Variants in DLC1 observed in about 807,000 individuals in gnomAD.
DLC1 encodes the protein rho GTPase-activating protein 7.
A neutral mutation model predicts 140.3 loss-of-function variants in DLC1; 54 were observed. The observed-to-expected ratio is 0.38, with a 90% CI of 0.31 to 0.48. The LOEUF (loss-of-function observed/expected upper bound fraction) is 0.48, where lower values mean the gene tolerates loss of function less well. DLC1 is among the 20% of genes least tolerant of loss of function. The pLI is 0.96. For missense variants in DLC1, 2,536 were observed against 1,907.0 expected, an observed-to-expected ratio of 1.33 and a Z score of -6.14; for synonymous variants, 986 against 728.1, an observed-to-expected ratio of 1.35 and a Z score of -5.70.
At chr8:13,153,264 G>T (rs971917549) in intron 5 of DLC1, among the ~76,000 whole-genome samples, 2 of 152,028 alleles carry the variant, frequency 1.3e-5, no homozygotes, top group East Asian at 3.9e-4. Flanking sequence ...GCTGATCTTC[G>T]CTGTGAGTGT....
intron 2 of DLC1, among the ~76,000 whole-genome samples, chr8:13,482,725 G>A (rs1390401378): frequency 1.3e-5 from 2 of 152,188 alleles, no homozygotes; most frequent in Non-Finnish European, 2.9e-5. Context: ...GACAGTGAGA[G>A]AATAGGATTA....
chr8:13,457,265 A>G (rs148637070), intron 2 of DLC1, among the ~76,000 whole-genome samples: 3 of 152,362 alleles, frequency 2.0e-5, no homozygotes, highest in African/African-American at 4.8e-5. Flanking sequence ...GTTGAATTAT[A>G]TAAAATATGA....
intron 1 of DLC1, among the ~76,000 whole-genome samples, chr8:13,520,875 C>T (rs1169033751): frequency 6.6e-6 from 1 of 152,066 alleles, no homozygotes; most frequent in African/African-American, 2.4e-5. Context: ...CACCATGTAC[C>T]ACCCTCCAGT....
intron 2 of DLC1, among the ~76,000 whole-genome samples, chr8:13,453,773 T>G (rs1799265771): frequency 6.6e-6 from 1 of 151,502 alleles, no homozygotes; most frequent in Non-Finnish European, 1.5e-5. Flanking sequence ...AGAACTACTA[T>G]TTTACAGTTA....
rs73557577 is a variant in DLC1, at chr8:13,489,893, C to G, written c.1023+9156G>C. On this transcript the variant is annotated intron_variant, in intron 2 of 17. Transcript: ENST00000276297. ...AATTATTTGGCTGTCAGATCCTCAT[C>G]TCGAATTCTGGTTAAAAAATACCAT... Among the ~76,000 whole-genome samples, 654 of 152,300 alleles carry G rather than the reference C, an allele frequency of 4.3e-3. 6 individuals carry two copies. Among genetic ancestry groups the G allele is most frequent in the African/African-American group, 0.015 (620 of 41,566 alleles).
intron 2 of DLC1, among the ~76,000 whole-genome samples, chr8:13,468,838 T>TTTTTG: frequency 6.9e-6 from 1 of 144,324 alleles, no homozygotes; most frequent in African/African-American, 2.6e-5. Flanking sequence ...TTTTTTTTTT[T>TTTTTG]TAAGATGGAG....
chr8:13,517,465 T>C (rs1802626392), upstream of DLC1, among the ~76,000 whole-genome samples: 1 of 152,192 alleles, frequency 6.6e-6, no homozygotes, highest in African/African-American at 2.4e-5. Flanking sequence ...ACTTCCCAAA[T>C]CTTTAATTAC....
At position 13,198,087 on chromosome 8, in the gene DLC1, A is replaced by G. The variant is rs539869228; in HGVS notation, c.1349-82430T>C. ...GCAACAGAATGAAACCCTGTCTCAA[A>G]AAAAACAAACGAAAAAGGAAAAAAA... On this transcript the variant is annotated intron_variant, in intron 5 of 17. Transcript: ENST00000276297. Among the ~76,000 whole-genome samples the G allele has an allele frequency of 1.4e-4, 22 of 152,268 alleles. No homozygotes were observed. In the South Asian group the frequency reaches 3.5e-3, roughly 24 times the overall value.
chr8:13,290,301 A>G (rs1831708787), intron 5 of DLC1, among the ~76,000 whole-genome samples: 1 of 152,180 alleles, frequency 6.6e-6, no homozygotes. Context: ...AGTGTTCATA[A>G]CAAGTCCCTG....
chr8:13,556,908 T>A (rs1277724087), intron 1 of DLC1, among the ~76,000 whole-genome samples: 1 of 152,238 alleles, frequency 6.6e-6, no homozygotes. Context: ...CATAGCTTAG[T>A]GGAGAAGACA....
chr8:13,195,485 G>A (rs1304575771), intron 5 of DLC1, among the ~76,000 whole-genome samples: 2 of 151,870 alleles, frequency 1.3e-5, no homozygotes, highest in African/African-American at 2.4e-5. Context: ...ACTTAGATCC[G>A]TATGATATGA....
At chr8:13,452,205 TTATA>T (rs1313766812) in intron 2 of DLC1, among the ~76,000 whole-genome samples, 3 of 150,924 alleles carry the variant, frequency 2.0e-5, no homozygotes, top group Non-Finnish European at 4.4e-5. Context: ...TATTTTATAA[TTATA>T]TATATCTTTA....
chr8:13,124,961 T>G (rs1239756552), intron 5 of DLC1, among the ~76,000 whole-genome samples: 1 of 151,938 alleles, frequency 6.6e-6, no homozygotes, highest in Non-Finnish European at 1.5e-5. Flanking sequence ...AGCTAACATT[T>G]CCAATTTGCC....
At chr8:13,327,630 C>G (rs1018652307) in intron 4 of DLC1, among the ~76,000 whole-genome samples, 2 of 151,980 alleles carry the variant, frequency 1.3e-5, no homozygotes, top group Non-Finnish European at 2.9e-5. Context: ...AACCTATTTT[C>G]TGTTTCCTAT....
rs1205680775 is a variant in DLC1 at position 13,579,345 on chromosome 8, AT to A, written c.-126+25191del. 2.9e-3 allele frequency among the ~76,000 whole-genome samples: 147 copies of A among 51,454 alleles called. 25 individuals carry two copies. Among genetic ancestry groups the A allele is most frequent in the African/African-American group, 0.013 (140 of 10,450 alleles). 33.8% of individuals were successfully genotyped at this position (51,454 alleles called of 152,430 possible). ...TATATATATATATATATATATATATATATATATATATATATATTTTTATATA... is the reference window on the plus strand; with the variant it reads ...TATATATATATATATATATATATATAATATATATATATATATTTTTATATA... On this transcript the variant is annotated intron_variant, in intron 1 of 1. Coordinates refer to the DLC1 transcript ENST00000631382.
intron 4 of DLC1, among the ~76,000 whole-genome samples, chr8:13,372,454 C>T (rs962258325): frequency 6.6e-6 from 1 of 152,104 alleles, no homozygotes; most frequent in Non-Finnish European, 1.5e-5. Flanking sequence ...AAGAAAATGT[C>T]CAAACAAATT....
intron 5 of DLC1, among the ~76,000 whole-genome samples, chr8:13,245,627 C>T (rs898182958): frequency 3.9e-5 from 6 of 152,182 alleles, no homozygotes; most frequent in Non-Finnish European, 8.8e-5. Context: ...CGTTAAGATA[C>T]TGTACCACTC....
intron 1 of DLC1, among the ~76,000 whole-genome samples, chr8:13,582,632 A>G (rs1461217261): frequency 6.6e-6 from 1 of 151,922 alleles, no homozygotes; most frequent in Non-Finnish European, 1.5e-5. Flanking sequence ...TTAGCCTGCA[A>G]ACGGCCTATT....
intron 1 of DLC1, among the ~76,000 whole-genome samples, chr8:13,564,853 A>G (rs1804371737): frequency 6.6e-6 from 1 of 152,188 alleles, no homozygotes; most frequent in Non-Finnish European, 1.5e-5. Flanking sequence ...TAGCAAGGTT[A>G]GGCCAAGAGA....
Sources: gnomAD v4.1 joint callset for allele counts (sites outside exome capture counted in the v4.1 genomes callset) on GRCh38, gnomAD v4.1.1 for gene constraint, MANE v1.5 for transcripts, NCBI Gene and HGNC (gene_info 2026-07-23, HGNC 2026-07-21) for gene names.